Variants in SDK2 observed in about 807,000 individuals in gnomAD.
The protein encoded by SDK2 is sidekick cell adhesion molecule 2, also known as protein sidekick-2.
Under a neutral mutation model 253.9 loss-of-function variants are expected in SDK2, and 105 were observed. The ratio of observed to expected loss-of-function variants is 0.41; its 90% CI spans 0.35 to 0.49. The LOEUF is 0.49. Ranked by LOEUF, SDK2 falls within the 20% of genes least tolerant of loss-of-function variation. The pLI, the probability that SDK2 is intolerant of heterozygous loss-of-function variation, is 0.06. For missense variants in SDK2, 2,608 were observed against 3,003.0 expected, an observed-to-expected ratio of 0.87 and a Z score of 3.07; for synonymous variants, 1,249 against 1,234.9, an observed-to-expected ratio of 1.01 and a Z score of -0.24.
chr17:73,365,429 C>A, intron 37 of SDK2, 34 bp from the exon 38 acceptor site: 17 of 1,564,850 alleles, frequency 1.1e-5, no homozygotes, highest in South Asian at 7.2e-5. Flanking sequence ...TTGTTTCCTT[C>A]TTCTGTGGAA....
chr17:73,508,977 G>A (rs999154949), intron 1 of SDK2, among the ~76,000 whole-genome samples: 17 of 152,330 alleles, frequency 1.1e-4, no homozygotes, highest in Admixed American at 7.2e-4. Context: ...AGCAGCCGGC[G>A]GGGAGGAGTC....
intron 36 of SDK2, among the ~76,000 whole-genome samples, chr17:73,370,578 A>G (rs1451733594): frequency 1.3e-5 from 2 of 151,240 alleles, no homozygotes; most frequent in Non-Finnish European, 1.5e-5. Flanking sequence ...TTTTATTTCA[A>G]GACAGGGTCT....
intron 27 of SDK2, among the ~76,000 whole-genome samples, chr17:73,392,651 G>A (rs984871406): frequency 2.7e-5 from 4 of 150,150 alleles, no homozygotes; most frequent in African/African-American, 5.0e-5. Flanking sequence ...CATATTTAAC[G>A]GTTCATTAGC....
At chr17:73,584,043 C>G (rs561943345) in intron 1 of SDK2, among the ~76,000 whole-genome samples, 4 of 152,300 alleles carry the variant, frequency 2.6e-5, no homozygotes, top group African/African-American at 9.6e-5. Flanking sequence ...CTTGGCAAGA[C>G]ATCACTCAAA....
At chr17:73,500,587 CCT>C (rs2063882534) in intron 2 of SDK2, among the ~76,000 whole-genome samples, 1 of 148,044 alleles carries the variant, frequency 6.8e-6, no homozygotes, top group African/African-American at 2.5e-5. Flanking sequence ...TCTCCTCCAT[CCT>C]CTGTCCATCC....
chr17:73,528,467 G>T (rs1466391564), intron 1 of SDK2, among the ~76,000 whole-genome samples: 1 of 152,172 alleles, frequency 6.6e-6, no homozygotes, highest in Non-Finnish European at 1.5e-5. Context: ...GGGAAGCAGC[G>T]ATGCAGTGAG....
At chr17:73,549,639 G>A (rs917024901) in intron 1 of SDK2, among the ~76,000 whole-genome samples, 1 of 151,976 alleles carries the variant, frequency 6.6e-6, no homozygotes, top group Non-Finnish European at 1.5e-5. Flanking sequence ...ATGGATGGGA[G>A]TCAGCCAAGC....
intron 24 of SDK2, among the ~76,000 whole-genome samples, 169 bp downstream of exon 24, chr17:73,397,866 G>C (rs183017581): frequency 2.6e-5 from 4 of 152,208 alleles, no homozygotes; most frequent in African/African-American, 9.6e-5. Context: ...TCTCATCGGC[G>C]GGCGGGGGGG....
chr17:73,421,573 C>CTTTT lies in SDK2; in HGVS notation c.2045+710_2045+713dup, dbSNP rs36068491. Among the ~76,000 whole-genome samples the CTTTT allele has an allele frequency of 8.0e-3, 729 of 90,680 alleles. 3 individuals are homozygous for CTTTT. Among genetic ancestry groups the CTTTT allele is most frequent in the Non-Finnish European group, 9.6e-3 (487 of 50,506 alleles). 59.5% of individuals were successfully genotyped at this position (90,680 alleles called of 152,430 possible). On this transcript the variant is annotated intron_variant, in intron 15 of 44. Transcript: ENST00000392650. ...TCTGCAGCTTTTATTCAATTTCCAT[C>CTTTT]TTTTTTTTTTTTTTTTTTTTTTGAG...
chr17:73,400,389 C>T (rs2063012285), intron 21 of SDK2, among the ~76,000 whole-genome samples: 1 of 152,176 alleles, frequency 6.6e-6, no homozygotes, highest in Admixed American at 6.5e-5. Flanking sequence ...GAAATTTTCC[C>T]CTGAATCACA....
chr17:73,554,609 G>A (rs1027835160), intron 1 of SDK2, among the ~76,000 whole-genome samples: 8 of 152,198 alleles, frequency 5.3e-5, no homozygotes, highest in Non-Finnish European at 1.2e-4. Context: ...CTAGAATTGT[G>A]AGAAAATGAA....
rs545793892 is a variant in SDK2 at position 73,379,532 on chromosome 17, G to A, written c.4780C>T (p.Arg1594Trp). The change falls in exon 35 of 45, where the codon CGG (arginine) becomes TGG (tryptophan). Residue 1594 changes from arginine (R) to tryptophan (W), a missense_variant. By Grantham distance (101) the Arg-to-Trp change is moderately radical (BLOSUM62 -3). Transcript: ENST00000392650. This position sits in a 1 kb window ranked among gnomAD's most constrained non-coding sequence, Gnocchi z 4.5. ...TACACGCTCATCCGTATCTCGTACCGCCTGTGCTTGTTCAGGTCTGTGGGG... is the reference window on the plus strand; with the variant it reads ...TACACGCTCATCCGTATCTCGTACCACCTGTGCTTGTTCAGGTCTGTGGGG... ...YELDNLNKHR[R>W]YEIRMSVYNA... The A allele has an allele frequency of 2.7e-5, 44 of 1,611,448 alleles. No homozygotes were observed. Among genetic ancestry groups the A allele is most frequent in the South Asian group, 7.7e-5 (7 of 90,744 alleles).
intron 2 of SDK2, chr17:73,504,281 AGAGAGG>A (rs1465590345): frequency 7.4e-6 from 1 of 135,400 alleles, no homozygotes; most frequent in East Asian, 2.0e-4. Flanking sequence ...AGAGAGAGAG[AGAGAGG>A]GAAAGAAAGA....
chr17:73,370,338 G>A (rs996901856), intron 36 of SDK2, among the ~76,000 whole-genome samples: 16 of 152,114 alleles, frequency 1.1e-4, no homozygotes, highest in African/African-American at 2.4e-5. Flanking sequence ...AACCACCTGG[G>A]CTCAAGCCAT....
intron 3 of SDK2, among the ~76,000 whole-genome samples, chr17:73,462,868 G>A (rs192414344): frequency 2.6e-5 from 4 of 152,290 alleles, no homozygotes; most frequent in Admixed American, 2.0e-4. Flanking sequence ...TGTCAAATGT[G>A]CTTCTTGGAT....
rs577016287 is a variant in SDK2 at position 73,377,764 on chromosome 17, C to A, written c.4980+1413G>T. 1.9e-3 allele frequency among the ~76,000 whole-genome samples: 293 copies of A among 150,902 alleles called. 3 individuals carry two copies. The Middle Eastern group carries it at 0.021, about 11-fold the overall frequency. On this transcript the variant is annotated intron_variant, in intron 36 of 44. Coordinates refer to ENST00000392650, the MANE Select transcript of SDK2 (RefSeq NM_001144952.2). ...AGTAGCTGGGATTACAGGCATGCGC[C>A]ACCACACCCGGCTAATTTTGTATTT...
chr17:73,619,527 G>T (rs900320076), intron 1 of SDK2, among the ~76,000 whole-genome samples: 2 of 152,110 alleles, frequency 1.3e-5, no homozygotes, highest in African/African-American at 4.8e-5. Flanking sequence ...TTGGATAACT[G>T]GATAACCACA....
At chr17:73,345,425 T>C (rs545553079) in intron 44 of SDK2, among the ~76,000 whole-genome samples, 4 of 152,364 alleles carry the variant, frequency 2.6e-5, no homozygotes, top group East Asian at 3.9e-4. Context: ...TGGTTATTTA[T>C]ACACGTATGG....
At chr17:73,348,527 TACGTTCACTGCCCC>T in intron 44 of SDK2, 58 bp downstream of exon 44, 1 of 1,545,910 alleles carries the variant, frequency 6.5e-7, no homozygotes, top group Non-Finnish European at 8.7e-7. Flanking sequence ...AAAGCCCATC[TACGTTCACTGCCCC>T]ACTCTGGGAG....
Sources: gnomAD v4.1 joint callset for allele counts (sites outside exome capture counted in the v4.1 genomes callset) on GRCh38, gnomAD v4.1.1 for gene constraint, Gnocchi (gnomAD v3.1) non-coding constraint, MANE v1.5 for transcripts, NCBI Gene and HGNC (gene_info 2026-07-23, HGNC 2026-07-21) for gene names.